The following RBM20 variants were observed in gnomAD, a reference collection of about 807,000 sequenced individuals.
The protein encoded by RBM20 is RNA-binding protein 20.
In RBM20, 51 loss-of-function variants were observed where a neutral mutation model predicts 110.1. The observed-to-expected ratio is 0.46, with a 90% CI of 0.37 to 0.59. The LOEUF (loss-of-function observed/expected upper bound fraction) is 0.59. Ranked by LOEUF, RBM20 falls within the 20% of genes least tolerant of loss-of-function variation. The pLI, the probability that RBM20 is intolerant of heterozygous loss-of-function variation, is 0.00. For missense variants in RBM20, 1,512 were observed against 1,574.9 expected (o/e 0.96, Z 0.68); for synonymous variants, 589 against 618.2 (o/e 0.95, Z 0.70).
At position 110,810,436 on chromosome 10, in the gene RBM20, G is replaced by C. The variant is rs1157677812; in HGVS notation, c.1854G>C (p.Glu618Asp). 1 of 1,551,568 alleles carries C rather than the reference G, an allele frequency of 6.4e-7. No individual in the cohort carries two copies. Among genetic ancestry groups the C allele is most frequent in the Admixed American group, 2.0e-5 (1 of 50,996 alleles). Reference protein sequence around the residue: ...AIIQDIHSQRERDMFREADRY... With the variant: ...AIIQDIHSQRDRDMFREADRY... ...TCCAGGACATCCATTCCCAGAGGGA[G>C]AGGGACATGTTCCGGGAAGCAGACA... The change falls in exon 8 of 14, where the codon GAG becomes GAC. Residue 618 changes from glutamate (E) to aspartate (D), a missense_variant. Physicochemically the swap from Glu to Asp is conservative, Grantham distance 45. Transcript: ENST00000369519.
chr10:110,825,791 G>A (rs1371579339), intron 12 of RBM20, among the ~76,000 whole-genome samples: 1 of 152,128 alleles, frequency 6.6e-6, no homozygotes, highest in Non-Finnish European at 1.5e-5. Context: ...CCATCCCTAG[G>A]GATCTGTATG....
chr10:110,742,889 T>G (rs1389506508), intron 1 of RBM20, among the ~76,000 whole-genome samples: 1 of 152,210 alleles, frequency 6.6e-6, no homozygotes, highest in African/African-American at 2.4e-5. Flanking sequence ...TCTTCAACAG[T>G]GTGCCTCACC....
intron 1 of RBM20, among the ~76,000 whole-genome samples, chr10:110,742,354 A>G (rs1211738318): frequency 6.6e-6 from 1 of 152,196 alleles, no homozygotes; most frequent in African/African-American, 2.4e-5. Flanking sequence ...GCCTTTTCCC[A>G]GGTCTCTAAT....
intron 1 of RBM20, among the ~76,000 whole-genome samples, chr10:110,689,268 A>C (rs566908988): frequency 4.4e-4 from 67 of 152,356 alleles, no homozygotes; most frequent in African/African-American, 1.3e-3. Flanking sequence ...GCCTCCCATG[A>C]GTCAGGCTCT....
At chr10:110,720,942 C>G (rs998383874) in intron 1 of RBM20, among the ~76,000 whole-genome samples, 1 of 152,236 alleles carries the variant, frequency 6.6e-6, no homozygotes, top group Admixed American at 6.5e-5. Flanking sequence ...ATTTCCCGTG[C>G]TCTCCCTGAC....
chr10:110,647,411 C>T (rs972418874), intron 1 of RBM20, among the ~76,000 whole-genome samples: 1 of 152,082 alleles, frequency 6.6e-6, no homozygotes, highest in Non-Finnish European at 1.5e-5. Context: ...CTTTTCTGCT[C>T]TTGTTTACTG....
intron 1 of RBM20, among the ~76,000 whole-genome samples, chr10:110,645,341 A>G (rs1420546241): frequency 1.3e-5 from 2 of 152,154 alleles, no homozygotes; most frequent in Non-Finnish European, 2.9e-5. Context: ...ACAAGTAAAA[A>G]CAGTGATGCT....
At chr10:110,772,985 A>C (rs567423319) in intron 1 of RBM20, among the ~76,000 whole-genome samples, 1 of 152,300 alleles carries the variant, frequency 6.6e-6, no homozygotes, top group African/African-American at 2.4e-5. Flanking sequence ...TTACAAAAAA[A>C]AGAACTCCCT....
At chr10:110,753,886 C>A (rs1843890770) in intron 1 of RBM20, among the ~76,000 whole-genome samples, 1 of 152,208 alleles carries the variant, frequency 6.6e-6, no homozygotes, top group Non-Finnish European at 1.5e-5. Flanking sequence ...TGTAGCATCT[C>A]CAAATCTCTC....
chr10:110,644,136 C>T (rs936970987), upstream of RBM20, among the ~76,000 whole-genome samples: 2 of 152,168 alleles, frequency 1.3e-5, no homozygotes, highest in Non-Finnish European at 2.9e-5. The surrounding 1 kb of genome is among the most constrained non-coding windows in gnomAD (Gnocchi z 4.3). Flanking sequence ...TCCCTCCCCG[C>T]TTCCTGCGCC....
At chr10:110,808,810 G>A (rs1010771387) in intron 7 of RBM20, among the ~76,000 whole-genome samples, 17 of 151,956 alleles carry the variant, frequency 1.1e-4, no homozygotes, top group African/African-American at 3.4e-4. Context: ...AATCAGCCAC[G>A]CCACTCAGAG....
chr10:110,759,126 C>T (rs1273338966), intron 1 of RBM20, among the ~76,000 whole-genome samples: 1 of 152,238 alleles, frequency 6.6e-6, no homozygotes, highest in Non-Finnish European at 1.5e-5. Flanking sequence ...TGTGGCCAGC[C>T]TTTGTCTGTG....
chr10:110,798,381 C>G (rs1029734946), intron 6 of RBM20, among the ~76,000 whole-genome samples: 5 of 152,188 alleles, frequency 3.3e-5, no homozygotes, highest in African/African-American at 1.2e-4. Context: ...ATAGCCACAT[C>G]AGGTCATTAA....
chr10:110,660,105 A>G (rs562618614), intron 1 of RBM20, among the ~76,000 whole-genome samples: 2 of 152,290 alleles, frequency 1.3e-5, no homozygotes, highest in South Asian at 4.2e-4. Context: ...GGTGTGAGTG[A>G]CCATGCTTGG....
At chr10:110,785,415 C>T (rs1385312502) in intron 5 of RBM20, among the ~76,000 whole-genome samples, 2 of 152,218 alleles carry the variant, frequency 1.3e-5, no homozygotes, top group East Asian at 1.9e-4. Flanking sequence ...TAGATTGGTT[C>T]ATGAATGGTG....
Position 110,693,986 on chromosome 10 carries a change from C to A in RBM20, c.191+49341C>A, listed in dbSNP as rs112598999. 7.7e-3 allele frequency among the ~76,000 whole-genome samples: 1,174 copies of A among 152,302 alleles called. 10 individuals carry two copies. The highest frequency in any genetic ancestry group is 0.034 in the Middle Eastern group (10 of 294). On this transcript the variant is annotated intron_variant, in intron 1 of 13. Coordinates refer to ENST00000369519, the MANE Select transcript of RBM20 (RefSeq NM_001134363.3). ...TTATATTTGGCTCAAATTTAAATTT[C>A]TCCATTTTCTTATCAGACACTGGGT...
At chr10:110,689,945 A>G (rs893262332) in intron 1 of RBM20, among the ~76,000 whole-genome samples, 5 of 152,214 alleles carry the variant, frequency 3.3e-5, no homozygotes, top group African/African-American at 1.2e-4. Flanking sequence ...TCTTAATTTT[A>G]AGTGCTTCCA....
intron 1 of RBM20, among the ~76,000 whole-genome samples, chr10:110,763,758 T>C (rs972700987): frequency 2.7e-5 from 4 of 149,826 alleles, no homozygotes; most frequent in East Asian, 1.9e-4. Flanking sequence ...TGGCTTTTTT[T>C]TTTTTTTTTT....
chr10:110,832,523 G>A (rs148934815), intron 13 of RBM20, among the ~76,000 whole-genome samples: 1 of 152,062 alleles, frequency 6.6e-6, no homozygotes, highest in East Asian at 1.9e-4. Context: ...AGATTCAAAT[G>A]TGCACCCCTA....
Sources: gnomAD v4.1 joint callset for allele counts (sites outside exome capture counted in the v4.1 genomes callset) on GRCh38, gnomAD v4.1.1 for gene constraint, Gnocchi (gnomAD v3.1) non-coding constraint, MANE v1.5 for transcripts, NCBI Gene and HGNC (gene_info 2026-07-23, HGNC 2026-07-21) for gene names.